The following ZFHX3 variants were observed in gnomAD, a reference collection of about 807,000 sequenced individuals.
ZFHX3 encodes the protein zinc finger homeobox protein 3.
In ZFHX3, 42 loss-of-function variants were observed where a neutral mutation model predicts 279.1. The ratio of observed to expected loss-of-function variants is 0.15; its 90% CI spans 0.12 to 0.19. The LOEUF is 0.19. Ranked by LOEUF, ZFHX3 falls within the 10% of genes least tolerant of loss-of-function variation. The pLI, the probability that ZFHX3 is intolerant of heterozygous loss-of-function variation, is 1.00. For synonymous variants in ZFHX3, 2,293 were observed against 1,957.8 expected (o/e 1.17, Z -4.52); for missense variants, 4,981 against 4,754.0 (o/e 1.05, Z -1.40).
At position 72,798,536 on chromosome 16, in the gene ZFHX3, A is replaced by G. The variant is rs760313003; in HGVS notation, c.4146T>C (p.Asn1382=). 5.0e-5 allele frequency: 80 copies of G among 1,614,198 alleles called. No homozygotes were observed. Among genetic ancestry groups the G allele is most frequent in the Non-Finnish European group, 6.6e-5 (78 of 1,180,034 alleles). The change falls in exon 9 of 10, where the codon AAT becomes AAC. Residue 1382 remains asparagine, a synonymous_variant. Transcript: ENST00000268489. ...KTSAALQTHF[N]EVHAKRPQLP... ...GCTGAGGCCTCTTGGCATGCACTTC[A>G]TTAAAATGCGTCTGAAGGGCAGCAG... is the stretch of plus-strand genomic sequence containing the variant.
intron 7 of ZFHX3, among the ~76,000 whole-genome samples, chr16:73,110,875 A>G (rs538511094): frequency 6.6e-6 from 1 of 152,244 alleles, no homozygotes; most frequent in East Asian, 1.9e-4. Context: ...AGCATGTTAA[A>G]CTAATAAATA....
intron 2 of ZFHX3, among the ~76,000 whole-genome samples, chr16:73,496,193 GA>G (rs1357200054): frequency 2.0e-5 from 3 of 152,232 alleles, no homozygotes; most frequent in Admixed American, 2.0e-4. Flanking sequence ...CCTAGGCCCT[GA>G]AAACAAAAGA....
At chr16:72,993,519 C>T (rs1182914069) in intron 1 of ZFHX3, among the ~76,000 whole-genome samples, 1 of 152,178 alleles carries the variant, frequency 6.6e-6, no homozygotes, top group African/African-American at 2.4e-5. Flanking sequence ...ATACCTAAAA[C>T]TGCACAAAAA....
chr16:73,313,880 G>A (rs564852141), intron 4 of ZFHX3, among the ~76,000 whole-genome samples: 13 of 152,292 alleles, frequency 8.5e-5, no homozygotes, highest in Middle Eastern at 3.4e-3. Flanking sequence ...GGCTGTGGCC[G>A]GTGGATCTCT....
intron 2 of ZFHX3, among the ~76,000 whole-genome samples, chr16:73,665,819 T>C (rs2142179636): frequency 6.8e-6 from 1 of 146,100 alleles, no homozygotes; most frequent in Admixed American, 6.8e-5. Flanking sequence ...TTTTTTTTTT[T>C]TTTTTTTTTT....
chr16:72,827,462 T>C (rs1445323764), intron 5 of ZFHX3, among the ~76,000 whole-genome samples: 8 of 152,160 alleles, frequency 5.3e-5, no homozygotes, highest in Non-Finnish European at 1.0e-4. Flanking sequence ...ACACAGCTAA[T>C]GAGTGGCAGA....
chr16:73,605,274 C>G (rs1369930836), intron 2 of ZFHX3, among the ~76,000 whole-genome samples: 1 of 152,132 alleles, frequency 6.6e-6, no homozygotes, highest in Non-Finnish European at 1.5e-5. Context: ...AAAAGAAGCT[C>G]GCTGAAAACC....
Position 72,785,976 on chromosome 16 carries a change from C to CT in ZFHX3, c.*1187dup, listed in dbSNP as rs1352475524. Reference sequence around the variant, plus strand: ...CCCCTAGAATCCCTTGAAATTCTTTCTTTAGTTTTATAAAATAATTCTGCA... The same window carrying CT: ...CCCCTAGAATCCCTTGAAATTCTTTCTTTTAGTTTTATAAAATAATTCTGCA... On this transcript the variant is annotated 3_prime_UTR_variant, in exon 10 of 10. Transcript: ENST00000268489. The CT allele has an allele frequency of 5.3e-5, 8 of 152,230 alleles. No homozygotes were observed. The highest frequency in any genetic ancestry group is 1.7e-4 in the African/African-American group (7 of 41,532). 9.4% of individuals were successfully genotyped at this position (152,230 alleles called of 1,614,324 possible).
intron 5 of ZFHX3, among the ~76,000 whole-genome samples, chr16:73,178,909 A>G (rs1236074065): frequency 6.6e-6 from 1 of 152,162 alleles, no homozygotes; most frequent in South Asian, 2.1e-4. Context: ...CGATACGTAA[A>G]TAAGCTTTTG....
chr16:73,500,997 A>G (rs886333677), intron 2 of ZFHX3, among the ~76,000 whole-genome samples: 5 of 152,258 alleles, frequency 3.3e-5, no homozygotes, highest in African/African-American at 1.2e-4. Flanking sequence ...AGCAACTTCC[A>G]TTCCTGCAAG....
chr16:72,880,416 C>G (rs1356750411), intron 4 of ZFHX3, among the ~76,000 whole-genome samples: 2 of 152,216 alleles, frequency 1.3e-5, no homozygotes, highest in Non-Finnish European at 2.9e-5. Context: ...CTAATCCAAT[C>G]TATCTGGTAT....
chr16:73,248,306 T>C (rs976804634), intron 5 of ZFHX3, among the ~76,000 whole-genome samples: 4 of 151,940 alleles, frequency 2.6e-5, no homozygotes, highest in African/African-American at 9.7e-5. Flanking sequence ...ATATGATATG[T>C]GTGTGTGTAT....
intron 1 of ZFHX3, among the ~76,000 whole-genome samples, chr16:73,037,390 T>C (rs1489856516): frequency 6.6e-6 from 1 of 152,224 alleles, no homozygotes; most frequent in Non-Finnish European, 1.5e-5. Flanking sequence ...AAGATCCCAC[T>C]GCTCATCTGT....
chr16:73,318,464 G>A (rs1168152722), intron 3 of ZFHX3: 2 of 151,736 alleles, frequency 1.3e-5, no homozygotes, highest in African/African-American at 2.4e-5. Context: ...ATTCAAAAAT[G>A]TCCAAAGATG....
intron 3 of ZFHX3, among the ~76,000 whole-genome samples, chr16:73,455,521 G>A (rs1432897231): frequency 1.3e-5 from 2 of 152,162 alleles, no homozygotes; most frequent in Non-Finnish European, 2.9e-5. Context: ...GACCCAGGAT[G>A]TGTATGTGGA....
chr16:72,817,307 A>G (rs559831133), intron 5 of ZFHX3, among the ~76,000 whole-genome samples: 1 of 152,344 alleles, frequency 6.6e-6, no homozygotes, highest in East Asian at 1.9e-4. Context: ...AGAAAACTTA[A>G]GAGTTGTGCT....
intron 4 of ZFHX3, among the ~76,000 whole-genome samples, chr16:72,884,833 G>A (rs1216063786): frequency 6.6e-6 from 1 of 152,200 alleles, no homozygotes; most frequent in Non-Finnish European, 1.5e-5. Context: ...GGTAAACCAG[G>A]GAAGCAAATG....
chr16:73,293,221 G>A (rs1228692888), intron 4 of ZFHX3, among the ~76,000 whole-genome samples: 1 of 152,176 alleles, frequency 6.6e-6, no homozygotes, highest in African/African-American at 2.4e-5. Flanking sequence ...TTTTGAGAGA[G>A]AATACCTGGG....
At chr16:73,352,057 A>G (rs114783359) in intron 3 of ZFHX3, among the ~76,000 whole-genome samples, 1,694 of 152,344 alleles carry the variant, frequency 0.011, 42 homozygotes, top group African/African-American at 0.038. Flanking sequence ...AAAGACCACA[A>G]TGTTCCTTCC....
Sources: allele counts gnomAD v4.1 joint callset (sites outside exome capture counted in the v4.1 genomes callset), GRCh38; gene constraint gnomAD v4.1.1; transcripts MANE v1.5; gene names NCBI Gene and HGNC (gene_info 2026-07-23, HGNC 2026-07-21).